Variants in SRRM4 observed in about 807,000 individuals in gnomAD.
SRRM4 encodes serine/arginine repetitive matrix protein 4.
In SRRM4, 33 loss-of-function variants were observed where a neutral mutation model predicts 68.9. That is an observed-to-expected ratio of 0.48 (90% CI 0.36 to 0.64). The LOEUF (loss-of-function observed/expected upper bound fraction) is 0.64, where lower values mean the gene tolerates loss of function less well. Among genes scored for constraint, SRRM4 ranks in the 30% least tolerant of loss-of-function variants. The probability of loss-of-function intolerance (pLI) is 0.00; values close to 1 mark genes in which losing one functional copy is unlikely to be tolerated. For missense variants in SRRM4, 817 were observed against 827.1 expected (o/e 0.99, Z 0.15); for synonymous variants, 318 against 318.8 (o/e 1.00, Z 0.03).
chr12:119,068,088 T>C (rs1422410723), intron 1 of SRRM4, among the ~76,000 whole-genome samples: 1 of 152,232 alleles, frequency 6.6e-6, no homozygotes, highest in Non-Finnish European at 1.5e-5. Context: ...CAGCGTAACC[T>C]GGTGTTTAAA....
chr12:119,034,085 C>T (rs192229510), intron 1 of SRRM4, among the ~76,000 whole-genome samples: 4 of 152,096 alleles, frequency 2.6e-5, no homozygotes, highest in Middle Eastern at 3.4e-3. Context: ...TGGGGTCAAG[C>T]GACACTTGTG....
At chr12:119,077,314 G>A (rs1203123763) in intron 1 of SRRM4, among the ~76,000 whole-genome samples, 1 of 152,152 alleles carries the variant, frequency 6.6e-6, no homozygotes, top group Non-Finnish European at 1.5e-5. Context: ...TCACACAACT[G>A]TCCTAGGTGA....
rs1460604383 is a variant in SRRM4 at position 119,130,681 on chromosome 12, C to T, written c.618C>T (p.His206=). 1 of 1,609,920 alleles carries T rather than the reference C, an allele frequency of 6.2e-7. No homozygotes were observed. Among genetic ancestry groups the T allele is most frequent in the African/African-American group, 1.3e-5 (1 of 75,006 alleles). Residue 206 remains histidine, a synonymous_variant, in exon 8 of 13, where the codon CAC becomes CAT. Coordinates refer to ENST00000267260, the MANE Select transcript of SRRM4 (RefSeq NM_194286.4). ...GGTCTCTCTCCCCCATCCCCAGGCACCGCGGCCGGTCCCCTGAGGAAGGGC... is the reference window on the plus strand; with the variant it reads ...GGTCTCTCTCCCCCATCCCCAGGCATCGCGGCCGGTCCCCTGAGGAAGGGC... ...ESRPSSCESR[H]RGRSPEEGQK...
In SRRM4 at chr12:119,098,756, C is replaced by T. The variant is rs7135180; in HGVS notation, c.132-3480C>T. Among the ~76,000 whole-genome samples the T allele has an allele frequency of 3.2e-3, 482 of 152,326 alleles. 1 individual carries two copies. Among genetic ancestry groups the T allele is most frequent in the African/African-American group, 0.011 (441 of 41,568 alleles). ...TCCTTCCAGTTGCTCAGGCTCAAAACCTTGGAGTCATCCTTGACTCCTTCT... is the reference window on the plus strand; with the variant it reads ...TCCTTCCAGTTGCTCAGGCTCAAAATCTTGGAGTCATCCTTGACTCCTTCT... On this transcript the variant is annotated intron_variant, in intron 1 of 12. Transcript: ENST00000267260.
intron 1 of SRRM4, among the ~76,000 whole-genome samples, chr12:119,029,770 A>C (rs1274263214): frequency 6.6e-6 from 1 of 152,206 alleles, no homozygotes; most frequent in African/African-American, 2.4e-5. Context: ...GAATATGCCA[A>C]AATCACATCA....
At chr12:119,017,527 G>A (rs1185050212) in intron 1 of SRRM4, among the ~76,000 whole-genome samples, 1 of 152,236 alleles carries the variant, frequency 6.6e-6, no homozygotes, top group Admixed American at 6.5e-5. Context: ...AAGATGGGAA[G>A]CAGCAGGAGG....
chr12:119,131,933 T>C (rs1476300579), intron 8 of SRRM4, among the ~76,000 whole-genome samples: 4 of 152,162 alleles, frequency 2.6e-5, no homozygotes, highest in Non-Finnish European at 4.4e-5. Flanking sequence ...CAAGGAAAAG[T>C]TCAGGGGTGC....
chr12:119,053,951 A>T (rs1206410236), intron 1 of SRRM4, among the ~76,000 whole-genome samples: 1 of 152,142 alleles, frequency 6.6e-6, no homozygotes, highest in Admixed American at 6.6e-5. Context: ...TAGTCACCCC[A>T]TTGTGCTGTC....
At chr12:119,048,597 G>A (rs1374622600) in intron 1 of SRRM4, among the ~76,000 whole-genome samples, 3 of 152,012 alleles carry the variant, frequency 2.0e-5, no homozygotes, top group Non-Finnish European at 4.4e-5. Context: ...TGAATTCTCT[G>A]AGCCTTGGTC....
At chr12:118,986,223 C>T (rs1205277785) in intron 1 of SRRM4, among the ~76,000 whole-genome samples, 1 of 152,140 alleles carries the variant, frequency 6.6e-6, no homozygotes, top group Non-Finnish European at 1.5e-5. Flanking sequence ...TGTTGAGAGG[C>T]GATTTTCTGG....
chr12:119,012,262 T>C (rs907879007), intron 1 of SRRM4, among the ~76,000 whole-genome samples: 3 of 152,180 alleles, frequency 2.0e-5, no homozygotes, highest in Admixed American at 6.5e-5. Flanking sequence ...TTCCTTAAGA[T>C]AGAGATGAAT....
At position 119,012,012 on chromosome 12, in the gene SRRM4, C is replaced by T. The variant is rs1260874155; in HGVS notation, c.131+29999C>T. On this transcript the variant is annotated intron_variant, in intron 1 of 12. Coordinates refer to ENST00000267260, the MANE Select transcript of SRRM4 (RefSeq NM_194286.4). ...CAAGCATTTAGCACTGTCCTGATAT[C>T]TAGTTAAGTGCTCAGTAAATGGTTG... 2.0e-5 allele frequency among the ~76,000 whole-genome samples: 3 copies of T among 152,188 alleles called. No homozygotes were observed. In the East Asian group the frequency reaches 5.8e-4, roughly 29 times the overall value.
intron 1 of SRRM4, among the ~76,000 whole-genome samples, chr12:119,056,805 C>T (rs945739449): frequency 2.0e-5 from 3 of 152,092 alleles, no homozygotes; most frequent in Admixed American, 2.0e-4. Flanking sequence ...TATAATTACA[C>T]ATATTTTTTC....
intron 1 of SRRM4, among the ~76,000 whole-genome samples, chr12:119,002,394 T>C (rs1953390470): frequency 6.6e-6 from 1 of 152,118 alleles, no homozygotes; most frequent in Non-Finnish European, 1.5e-5. Flanking sequence ...ACTTGGTATA[T>C]GAAGATGAGC....
chr12:119,032,017 G>T (rs781688376), intron 1 of SRRM4, among the ~76,000 whole-genome samples: 1 of 152,098 alleles, frequency 6.6e-6, no homozygotes, highest in East Asian at 1.9e-4. Context: ...AAATTAGATA[G>T]ATTACTATCT....
intron 1 of SRRM4, among the ~76,000 whole-genome samples, chr12:119,014,125 TG>T (rs1460637234): frequency 1.3e-5 from 2 of 152,218 alleles, no homozygotes; most frequent in Non-Finnish European, 2.9e-5. Context: ...CACACGTCTT[TG>T]CATGTTTGTT....
chr12:119,025,651 T>G (rs1240377006), intron 1 of SRRM4, among the ~76,000 whole-genome samples: 1 of 151,490 alleles, frequency 6.6e-6, no homozygotes, highest in Non-Finnish European at 1.5e-5. Flanking sequence ...CCCATGTTGG[T>G]CAGGCTGGTC....
intron 1 of SRRM4, among the ~76,000 whole-genome samples, chr12:119,084,135 A>C (rs1483812504): frequency 6.6e-6 from 1 of 152,214 alleles, no homozygotes; most frequent in Admixed American, 6.5e-5. Context: ...ATCACATAGC[A>C]AGTCTGTGGC....
intron 1 of SRRM4, among the ~76,000 whole-genome samples, chr12:119,006,606 A>G (rs1352214335): frequency 6.6e-6 from 1 of 152,186 alleles, no homozygotes; most frequent in Non-Finnish European, 1.5e-5. Context: ...TGGAGAAGTT[A>G]CTGCCTGTGG....
Sources: allele counts gnomAD v4.1 joint callset (sites outside exome capture counted in the v4.1 genomes callset), GRCh38; gene constraint gnomAD v4.1.1; transcripts MANE v1.5; gene names NCBI Gene and HGNC (gene_info 2026-07-23, HGNC 2026-07-21).